DPP10: variants seen among roughly 807,000 people sequenced by gnomAD.
DPP10 encodes the protein dipeptidyl peptidase like 10, also known as inactive dipeptidyl peptidase 10.
Under a neutral mutation model 120.9 loss-of-function variants are expected in DPP10, and 33 were observed. The ratio of observed to expected loss-of-function variants is 0.27; its 90% confidence interval spans 0.21 to 0.37. The LOEUF is 0.37. Among genes scored for constraint, DPP10 ranks in the 10% least tolerant of loss-of-function variants. DPP10 has a pLI of 1.00. For missense variants in DPP10, 816 were observed against 942.8 expected (o/e 0.87, Z 1.76); for synonymous variants, 337 against 326.1 (o/e 1.03, Z -0.36).
chr2:114,716,052 T>C (rs1701326336), intron 1 of DPP10, among the ~76,000 whole-genome samples: 1 of 151,536 alleles, frequency 6.6e-6, no homozygotes, highest in African/African-American at 2.4e-5. Context: ...TGATTGTCTT[T>C]TTTTTAAAAA....
chr2:115,072,405 A>C (rs1345583824), intron 1 of DPP10, among the ~76,000 whole-genome samples: 1 of 152,210 alleles, frequency 6.6e-6, no homozygotes, highest in Non-Finnish European at 1.5e-5. Flanking sequence ...GATTTTGCCT[A>C]TGTGTAGATG....
intron 1 of DPP10, among the ~76,000 whole-genome samples, chr2:115,143,158 A>G (rs556150086): frequency 6.6e-6 from 1 of 152,282 alleles, no homozygotes; most frequent in East Asian, 1.9e-4. Flanking sequence ...GAGGGACAGT[A>G]GGTCATATCA....
At chr2:115,437,684 A>T (rs1446584044) in intron 3 of DPP10, among the ~76,000 whole-genome samples, 1 of 152,016 alleles carries the variant, frequency 6.6e-6, no homozygotes, top group Admixed American at 6.6e-5. Context: ...TTAATCATGG[A>T]CTAAACAACA....
intron 1 of DPP10, among the ~76,000 whole-genome samples, chr2:115,238,466 G>A (rs577119910): frequency 2.0e-5 from 3 of 152,304 alleles, no homozygotes; most frequent in Non-Finnish European, 4.4e-5. Context: ...CAGCCCTTGA[G>A]TTAAGGATAA....
intron 3 of DPP10, among the ~76,000 whole-genome samples, chr2:115,440,682 C>T (rs1238024563): frequency 6.6e-6 from 1 of 152,126 alleles, no homozygotes; most frequent in Non-Finnish European, 1.5e-5. Context: ...TAAAAACATG[C>T]AAGAATCAAA....
chr2:115,061,570 T>A (rs1037686452), intron 1 of DPP10, among the ~76,000 whole-genome samples: 2 of 152,234 alleles, frequency 1.3e-5, no homozygotes, highest in Non-Finnish European at 2.9e-5. Flanking sequence ...TAAAAATGCA[T>A]GCTAGTTAAA....
chr2:114,659,660 C>T (rs1349088446), intron 1 of DPP10, among the ~76,000 whole-genome samples: 1 of 152,128 alleles, frequency 6.6e-6, no homozygotes, highest in Non-Finnish European at 1.5e-5. Context: ...TGAATTGTGT[C>T]CTCTAGAAAT....
chr2:115,330,203 T>G (rs1398918615), intron 2 of DPP10, among the ~76,000 whole-genome samples: 2 of 152,204 alleles, frequency 1.3e-5, no homozygotes, highest in African/African-American at 4.8e-5. Flanking sequence ...GATGAGCATT[T>G]TTTCATGTGT....
chr2:115,159,572 T>C (rs2052154034), intron 1 of DPP10, among the ~76,000 whole-genome samples: 1 of 152,158 alleles, frequency 6.6e-6, no homozygotes. Context: ...AGTGTTTAAA[T>C]TGGGAAAATC....
intron 1 of DPP10, among the ~76,000 whole-genome samples, chr2:115,297,838 G>A (rs2060957147): frequency 1.3e-5 from 2 of 152,014 alleles, no homozygotes; most frequent in Admixed American, 6.6e-5. Context: ...TGCCTTGTTA[G>A]TAATCCGTAG....
intron 1 of DPP10, among the ~76,000 whole-genome samples, chr2:114,960,911 T>G (rs1486358214): frequency 6.6e-6 from 1 of 152,104 alleles, no homozygotes; most frequent in Non-Finnish European, 1.5e-5. Flanking sequence ...ATGGTTGATA[T>G]TCTATGAAAA....
chr2:114,974,216 TC>T (rs1272748164), intron 1 of DPP10, among the ~76,000 whole-genome samples: 4 of 152,166 alleles, frequency 2.6e-5, no homozygotes, highest in African/African-American at 9.7e-5. Flanking sequence ...CAAGCTCCAT[TC>T]ATGATAAGTG....
intron 1 of DPP10, among the ~76,000 whole-genome samples, chr2:115,220,563 TA>T (rs2057091016): frequency 1.3e-5 from 2 of 151,996 alleles, no homozygotes; most frequent in African/African-American, 4.8e-5. Context: ...AATAAAAATT[TA>T]AAAAAGGAAA....
chr2:115,678,642 C>A (rs2090444371), intron 5 of DPP10, among the ~76,000 whole-genome samples: 2 of 152,212 alleles, frequency 1.3e-5, no homozygotes, highest in Non-Finnish European at 2.9e-5. Flanking sequence ...AGAGTCCCCA[C>A]TAGGGCATTG....
At chr2:115,623,367 G>A (rs2085118897) in intron 5 of DPP10, among the ~76,000 whole-genome samples, 2 of 152,184 alleles carry the variant, frequency 1.3e-5, no homozygotes, top group African/African-American at 4.8e-5. Context: ...CGATACAGGA[G>A]TATTTCATTG....
chr2:115,802,011 C>T (rs545257458), intron 19 of DPP10, among the ~76,000 whole-genome samples: 1 of 152,072 alleles, frequency 6.6e-6, no homozygotes, highest in Non-Finnish European at 1.5e-5. Flanking sequence ...AGGAATGGTA[C>T]CAGCTCCTCC....
chr2:114,822,172 T>A (rs931439256), intron 1 of DPP10, among the ~76,000 whole-genome samples: 27 of 152,184 alleles, frequency 1.8e-4, no homozygotes, highest in Non-Finnish European at 4.4e-5. Context: ...ATCCAGATGT[T>A]TTTTTACATC....
chr2:115,335,700 C>G (rs1279762579), intron 2 of DPP10, among the ~76,000 whole-genome samples: 1 of 152,020 alleles, frequency 6.6e-6, no homozygotes, highest in Non-Finnish European at 1.5e-5. Context: ...GTAGTTTCAT[C>G]TAGCTGTGCA....
chr2:115,755,075 A>T (rs1263609994), intron 11 of DPP10, among the ~76,000 whole-genome samples: 1 of 152,090 alleles, frequency 6.6e-6, no homozygotes, highest in Admixed American at 6.6e-5. Context: ...CTATTATCCC[A>T]GAAAGTTTCT....
Sources: allele counts gnomAD v4.1 joint callset (sites outside exome capture counted in the v4.1 genomes callset), GRCh38; gene constraint gnomAD v4.1.1; transcripts MANE v1.5; gene names NCBI Gene and HGNC (gene_info 2026-07-23, HGNC 2026-07-21).